The following LYPLAL1 variants were observed in gnomAD, a reference collection of about 807,000 sequenced individuals.
LYPLAL1 encodes lysophospholipase like 1.
LYPLAL1 carries 23 observed loss-of-function variants against 19.7 expected under a neutral mutation model. The ratio of observed to expected loss-of-function variants is 1.17; its 90% CI spans 0.84 to 1.65. LYPLAL1 has a LOEUF of 1.65. Ranked by LOEUF, LYPLAL1 falls within the 40% of genes most tolerant of loss-of-function variation. LYPLAL1 has a pLI of 0.00. For synonymous variants in LYPLAL1, 119 were observed against 96.3 expected (o/e 1.24, Z -1.38); for missense variants, 355 against 279.4 (o/e 1.27, Z -1.93).
the LYPLAL1 span, among the ~76,000 whole-genome samples, chr1:219,341,821 G>A: frequency 1.3e-5 from 2 of 152,072 alleles, no homozygotes. Context: ...TAAATTAAGT[G>A]GATTCAGAAG....
At chr1:219,389,639 GTCCTGAACTTCA>G in the LYPLAL1 span, among the ~76,000 whole-genome samples, 2 of 152,160 alleles carry the variant, frequency 1.3e-5, no homozygotes, top group African/African-American at 4.8e-5. Flanking sequence ...GGGTTGTCAT[GTCCTGAACTTCA>G]TCATTAGCTA....
the LYPLAL1 span, among the ~76,000 whole-genome samples, chr1:219,393,438 TG>T: frequency 6.6e-6 from 1 of 152,172 alleles, no homozygotes. Context: ...CCACCCTGGA[TG>T]CCACATAGGC....
the LYPLAL1 span, among the ~76,000 whole-genome samples, chr1:219,429,030 T>C: frequency 6.6e-6 from 1 of 152,216 alleles, no homozygotes; most frequent in Admixed American, 6.5e-5. Context: ...TTGCTGAGAA[T>C]TGTGCCTACC....
the LYPLAL1 span, among the ~76,000 whole-genome samples, chr1:219,438,014 G>A: frequency 2.6e-5 from 4 of 151,954 alleles, no homozygotes; most frequent in East Asian, 5.8e-4. Context: ...TGATCCAACC[G>A]CCTCGGCCTC....
the LYPLAL1 span, among the ~76,000 whole-genome samples, chr1:219,400,453 A>C: frequency 6.6e-6 from 1 of 151,778 alleles, no homozygotes; most frequent in Non-Finnish European, 1.5e-5. Context: ...CAGTAAACTC[A>C]TGGCAAAGCT....
the LYPLAL1 span, among the ~76,000 whole-genome samples, chr1:219,261,268 T>G: frequency 1.3e-5 from 2 of 152,192 alleles, no homozygotes; most frequent in Non-Finnish European, 2.9e-5. Flanking sequence ...TGTCCAACTT[T>G]AAAATCTAAA....
At chr1:219,300,530 C>CTTTTTTTTTTTTTTTTTTTTTTTTTTTT in the LYPLAL1 span, among the ~76,000 whole-genome samples, 1 of 82,010 alleles carries the variant, frequency 1.2e-5, no homozygotes, top group Non-Finnish European at 2.2e-5. Flanking sequence ...TTTATCCTAA[C>CTTTTTTTTTTTTTTTTTTTTTTTTTTTT]TTTTTTTTTT....
the LYPLAL1 span, among the ~76,000 whole-genome samples, chr1:219,283,560 C>G: frequency 6.6e-6 from 1 of 152,130 alleles, no homozygotes; most frequent in Non-Finnish European, 1.5e-5. Flanking sequence ...CTACCCTCAT[C>G]ACTCTGGCTA....
chr1:219,400,321 C>A, the LYPLAL1 span, among the ~76,000 whole-genome samples: 1 of 152,004 alleles, frequency 6.6e-6, no homozygotes, highest in African/African-American at 2.4e-5. Context: ...GTTTAAATAT[C>A]TCCTTTTTCA....
At chr1:219,301,293 A>G in the LYPLAL1 span, among the ~76,000 whole-genome samples, 1 of 152,230 alleles carries the variant, frequency 6.6e-6, no homozygotes, top group African/African-American at 2.4e-5. Context: ...CAGTAATCTA[A>G]GAAAACAGGT....
chr1:219,415,935 T>C, the LYPLAL1 span, among the ~76,000 whole-genome samples: 1 of 152,206 alleles, frequency 6.6e-6, no homozygotes, highest in Non-Finnish European at 1.5e-5. Flanking sequence ...GCTTCTCTCT[T>C]CTTTTAAAGG....
chr1:219,429,401 T>C, the LYPLAL1 span, among the ~76,000 whole-genome samples: 15 of 152,212 alleles, frequency 9.9e-5, no homozygotes, highest in African/African-American at 2.7e-4. Flanking sequence ...CTCATGCCTG[T>C]AGTCCCAGCT....
At chr1:219,191,427 G>A (rs1198365204) in intron 2 of LYPLAL1, among the ~76,000 whole-genome samples, 1 of 151,514 alleles carries the variant, frequency 6.6e-6, no homozygotes, top group Admixed American at 6.6e-5. Flanking sequence ...CCATTAAAAG[G>A]GTAAGTTAGA....
At chr1:219,229,974 A>C in the LYPLAL1 span, among the ~76,000 whole-genome samples, 3 of 152,188 alleles carry the variant, frequency 2.0e-5, no homozygotes, top group Non-Finnish European at 4.4e-5. Context: ...CTGTAGGGCA[A>C]TGTATTATTA....
intron 1 of LYPLAL1, among the ~76,000 whole-genome samples, chr1:219,176,081 A>G (rs1477364904): frequency 6.6e-6 from 1 of 152,204 alleles, no homozygotes; most frequent in Non-Finnish European, 1.5e-5. Context: ...AAAGCTTGAG[A>G]TTTTCTTCTA....
the LYPLAL1 span, among the ~76,000 whole-genome samples, chr1:219,241,009 TA>T: frequency 6.6e-6 from 1 of 150,894 alleles, no homozygotes; most frequent in Admixed American, 6.6e-5. Flanking sequence ...TGCAGTGAAC[TA>T]TGATCATGCC....
At chr1:219,295,026 C>A in the LYPLAL1 span, among the ~76,000 whole-genome samples, 1 of 152,162 alleles carries the variant, frequency 6.6e-6, no homozygotes, top group Non-Finnish European at 1.5e-5. Context: ...GCAGTCAACA[C>A]TCTTTCTTTG....
At chr1:219,216,902 G>A (rs1659310551), downstream of LYPLAL1, among the ~76,000 whole-genome samples, 1 of 152,078 alleles carries the variant, frequency 6.6e-6, no homozygotes, top group Non-Finnish European at 1.5e-5. Context: ...GTCCTGTGCT[G>A]CCAGAGTACA....
the LYPLAL1 span, among the ~76,000 whole-genome samples, chr1:219,426,389 T>C: frequency 1.8e-4 from 27 of 152,254 alleles, no homozygotes; most frequent in Admixed American, 6.5e-5. Context: ...ATTAGAGAAG[T>C]TTCATAGGAA....
Sources: gnomAD v4.1 joint callset for allele counts (sites outside exome capture counted in the v4.1 genomes callset) on GRCh38, gnomAD v4.1.1 for gene constraint, MANE v1.5 for transcripts, NCBI Gene and HGNC (gene_info 2026-07-23, HGNC 2026-07-21) for gene names.